Variants in NRXN1 observed in about 807,000 individuals in gnomAD.
NRXN1 encodes the protein neurexin 1, also known as neurexin-1.
Under a neutral mutation model 150.9 loss-of-function variants are expected in NRXN1, and 39 were observed. The observed-to-expected ratio is 0.26, with a 90% CI of 0.20 to 0.34. The LOEUF (loss-of-function observed/expected upper bound fraction) is 0.34, where lower values mean the gene tolerates loss of function less well. NRXN1 is among the 10% of genes least tolerant of loss of function. The probability of loss-of-function intolerance (pLI) is 1.00; values close to 1 mark genes in which losing one functional copy is unlikely to be tolerated. For synonymous variants in NRXN1, 924 were observed against 757.0 expected, an observed-to-expected ratio of 1.22 and a Z score of -3.62; for missense variants, 1,815 against 1,949.9, an observed-to-expected ratio of 0.93 and a Z score of 1.30.
At chr2:50,102,614 T>C (rs1434347542) in intron 18 of NRXN1, among the ~76,000 whole-genome samples, 1 of 152,044 alleles carries the variant, frequency 6.6e-6, no homozygotes. Flanking sequence ...CTGTAGCATA[T>C]ACAGCATGCT....
In NRXN1 at chr2:50,683,646, A is replaced by AAAAAAAAAAAAAATATATATAT; in HGVS notation, c.833-60032_833-60031insATATATATATTTTTTTTTTTTT. 1.3e-3 allele frequency among the ~76,000 whole-genome samples: 20 copies of AAAAAAAAAAAAAATATATATAT among 14,896 alleles called. 1 individual carries two copies. Among genetic ancestry groups the AAAAAAAAAAAAAATATATATAT allele is most frequent in the African/African-American group, 2.9e-3 (8 of 2,778 alleles). 9.8% of individuals were successfully genotyped at this position (14,896 alleles called of 152,430 possible). ...GACTCCGTCTCAAAAAAAAAAAAAAAATATATATATATATATATATGTTAT... is the reference window on the plus strand; with the variant it reads ...GACTCCGTCTCAAAAAAAAAAAAAAAAAAAAAAAAAAAATATATATATATATATATATATATATATATGTTAT... On this transcript the variant is annotated intron_variant, in intron 5 of 22. Coordinates refer to ENST00000401669, the MANE Select transcript of NRXN1 (RefSeq NM_001330078.2).
chr2:50,392,532 C>A (rs956549334), intron 17 of NRXN1, among the ~76,000 whole-genome samples: 3 of 152,012 alleles, frequency 2.0e-5, no homozygotes, highest in Non-Finnish European at 4.4e-5. Flanking sequence ...CAAAGATATG[C>A]AAATATTAAA....
chr2:50,386,392 C>G (rs2081329209), intron 17 of NRXN1, among the ~76,000 whole-genome samples: 1 of 151,702 alleles, frequency 6.6e-6, no homozygotes, highest in Non-Finnish European at 1.5e-5. Context: ...ACAAGCCAAT[C>G]ATGAGATTTG....
intron 21 of NRXN1, among the ~76,000 whole-genome samples, chr2:50,004,211 T>C (rs1236203942): frequency 6.6e-6 from 1 of 152,044 alleles, no homozygotes; most frequent in Admixed American, 6.6e-5. Flanking sequence ...TCAATCAGGA[T>C]AGTGACAGGG....
At chr2:50,470,521 T>C (rs1468994416) in intron 16 of NRXN1, among the ~76,000 whole-genome samples, 1 of 151,754 alleles carries the variant, frequency 6.6e-6, no homozygotes, top group Non-Finnish European at 1.5e-5. Context: ...AGGAAAAAAA[T>C]GTATTTTCAA....
intron 22 of NRXN1, among the ~76,000 whole-genome samples, chr2:49,933,024 C>T (rs561610179): frequency 6.6e-6 from 1 of 152,220 alleles, no homozygotes; most frequent in African/African-American, 2.4e-5. Flanking sequence ...TGATTTTATT[C>T]CTGTGTTAAG....
rs1334846973 is a variant in NRXN1 at position 50,982,934 on chromosome 2, T to A, written c.772+44568A>T. Among the ~76,000 whole-genome samples, 3 of 152,174 alleles carry A rather than the reference T, an allele frequency of 2.0e-5. No homozygotes were observed. In the East Asian group the frequency reaches 5.8e-4, roughly 29 times the overall value. ...CTGCCTGAGAGTCATGAACCACTTG[T>A]ACCCCTTCCCAATTTATTCACTTAT... is the stretch of plus-strand genomic sequence containing the variant. On this transcript the variant is annotated intron_variant, in intron 2 of 22. Coordinates refer to ENST00000401669, the MANE Select transcript of NRXN1 (RefSeq NM_001330078.2).
chr2:50,260,243 A>C (rs1177809304), intron 17 of NRXN1, among the ~76,000 whole-genome samples: 1 of 151,762 alleles, frequency 6.6e-6, no homozygotes, highest in Non-Finnish European at 1.5e-5. Flanking sequence ...AAAAAAGCAA[A>C]TCTCCAAAAC....
At chr2:50,463,097 G>GA (rs763838496) in intron 17 of NRXN1, among the ~76,000 whole-genome samples, 4 of 151,714 alleles carry the variant, frequency 2.6e-5, no homozygotes, top group Non-Finnish European at 5.9e-5. Context: ...TATTTTAAAA[G>GA]AAAAATCAGC....
At chr2:50,242,606 T>C (rs1225420841) in intron 17 of NRXN1, among the ~76,000 whole-genome samples, 2 of 151,762 alleles carry the variant, frequency 1.3e-5, no homozygotes, top group South Asian at 4.1e-4. Context: ...ACCTATAATA[T>C]GTAACCACTT....
chr2:50,999,216 T>C (rs1419218353), intron 2 of NRXN1, among the ~76,000 whole-genome samples: 1 of 152,048 alleles, frequency 6.6e-6, no homozygotes, highest in Non-Finnish European at 1.5e-5. Flanking sequence ...CATTAATCCA[T>C]GTTATTTTAT....
Position 50,552,616 on chromosome 2 carries a change from T to C in NRXN1, c.1730A>G (p.His577Arg), listed in dbSNP as rs886042974. 1 of 1,613,674 alleles carries C rather than the reference T, an allele frequency of 6.2e-7. No homozygotes were observed. Among genetic ancestry groups the C allele is most frequent in the African/African-American group, 1.3e-5 (1 of 74,940 alleles). The change falls in exon 9 of 23, where the codon CAT becomes CGT. Residue 577 changes from histidine to arginine, a missense_variant. His to Arg is a conservative substitution (Grantham distance 29). Transcript: ENST00000401669. Reference protein sequence around the residue: ...LKKVNDGEWYHVDFQRDGRSG... With the variant: ...LKKVNDGEWYRVDFQRDGRSG... ...CCGTCCGTCTCTCTGGAAGTCCACA[T>C]GATACCATTCTCCATCATTCACTTT...
At chr2:50,524,220 T>G (rs1159488103) in intron 12 of NRXN1, among the ~76,000 whole-genome samples, 1 of 152,184 alleles carries the variant, frequency 6.6e-6, no homozygotes, top group East Asian at 1.9e-4. Flanking sequence ...GGCTCACGCC[T>G]GTAATCCCAG....
At position 50,146,307 on chromosome 2, in the gene NRXN1, AC is replaced by A. The variant is rs892711284; in HGVS notation, c.3547-54814del. 4.0e-5 allele frequency among the ~76,000 whole-genome samples: 6 copies of A among 151,706 alleles called. No homozygotes were observed. The Admixed American group carries it at 4.0e-4, about 10-fold the overall frequency. ...GATCTAGAACTAGAAATACCATTTG[AC>A]CCAGCAATCCCATTACTGGGTATAT... On this transcript the variant is annotated intron_variant, in intron 18 of 22. Coordinates refer to ENST00000401669, the MANE Select transcript of NRXN1 (RefSeq NM_001330078.2).
At chr2:50,233,099 C>A (rs2065106342) in intron 18 of NRXN1, among the ~76,000 whole-genome samples, 1 of 152,056 alleles carries the variant, frequency 6.6e-6, no homozygotes, top group Admixed American at 6.6e-5. Context: ...CATCCTAAGC[C>A]ACAGTATTTT....
chr2:51,012,651 C>A (rs1427990435), intron 2 of NRXN1, among the ~76,000 whole-genome samples: 3 of 152,010 alleles, frequency 2.0e-5, no homozygotes, highest in Non-Finnish European at 4.4e-5. Flanking sequence ...GAGGTGAACA[C>A]TGCCTAAGAC....
intron 17 of NRXN1, among the ~76,000 whole-genome samples, chr2:50,284,635 T>G (rs1384306055): frequency 2.0e-5 from 3 of 152,178 alleles, no homozygotes; most frequent in Non-Finnish European, 2.9e-5. Context: ...TTATCCTTAC[T>G]CACCAAACCA....
intron 5 of NRXN1, among the ~76,000 whole-genome samples, chr2:50,627,503 A>G (rs1406186195): frequency 2.0e-5 from 3 of 151,682 alleles, no homozygotes; most frequent in Non-Finnish European, 3.0e-5. Context: ...TTGGTTATCT[A>G]TAAGAGAAAA....
intron 8 of NRXN1, among the ~76,000 whole-genome samples, chr2:50,592,869 G>A (rs1184432059): frequency 6.6e-6 from 1 of 152,208 alleles, no homozygotes; most frequent in East Asian, 1.9e-4. Flanking sequence ...AACAAAACTT[G>A]CATTACAGCA....
Sources: gnomAD v4.1 joint callset for allele counts (sites outside exome capture counted in the v4.1 genomes callset) on GRCh38, gnomAD v4.1.1 for gene constraint, MANE v1.5 for transcripts, NCBI Gene and HGNC (gene_info 2026-07-23, HGNC 2026-07-21) for gene names.